The following SSU72 variants were observed in gnomAD, a reference collection of about 807,000 sequenced individuals.
SSU72 encodes RNA polymerase II subunit A C-terminal domain phosphatase SSU72.
Under a neutral mutation model 22.7 loss-of-function variants are expected in SSU72, and 12 were observed. That is an observed-to-expected ratio of 0.53 (90% CI 0.34 to 0.86). The LOEUF (loss-of-function observed/expected upper bound fraction) is 0.86. SSU72 is among the 40% of genes least tolerant of loss of function. SSU72 has a pLI of 0.02. For synonymous variants in SSU72, 116 were observed against 98.3 expected (o/e 1.18, Z -1.06); for missense variants, 151 against 249.8 (o/e 0.60, Z 2.67).
At chr1:1,564,309 A>T in intron 2 of SSU72, 1 of 592,654 alleles carries the variant, frequency 1.7e-6, no homozygotes, top group Non-Finnish European at 2.8e-6. Flanking sequence ...TTGGTTAGCA[A>T]GCTCCGCCCT....
chr1:1,550,925 C>G (rs1218880935), intron 2 of SSU72, among the ~76,000 whole-genome samples: 1 of 152,124 alleles, frequency 6.6e-6, no homozygotes, highest in East Asian at 1.9e-4. Flanking sequence ...TCTAGGACCT[C>G]CTCTTAAGCT....
At chr1:1,549,922 G>A (rs569358490) in intron 2 of SSU72, among the ~76,000 whole-genome samples, 12 of 150,054 alleles carry the variant, frequency 8.0e-5, no homozygotes, top group African/African-American at 2.7e-4. Context: ...GCAGTGAGCC[G>A]AGATTGCGCC....
At chr1:1,548,096 G>A (rs1017887045) in intron 2 of SSU72, among the ~76,000 whole-genome samples, 4 of 152,202 alleles carry the variant, frequency 2.6e-5, no homozygotes, top group Admixed American at 1.3e-4. Flanking sequence ...CAAAGAGGAT[G>A]TGCCATCCAT....
intron 1 of SSU72, among the ~76,000 whole-genome samples, chr1:1,573,429 CAAAAAAAAAAAA>C (rs56930035): frequency 5.6e-5 from 6 of 107,452 alleles, no homozygotes; most frequent in South Asian, 2.4e-4. Context: ...GACTCTGTCT[CAAAAAAAAAAAA>C]AAAAAAAAAA....
At chr1:1,573,701 G>A (rs1218227753) in intron 1 of SSU72, among the ~76,000 whole-genome samples, 1 of 152,174 alleles carries the variant, frequency 6.6e-6, no homozygotes, top group African/African-American at 2.4e-5. Context: ...ACTGCGAGAA[G>A]AGAAGCGAAA....
chr1:1,567,839 G>A (rs766840252), intron 1 of SSU72, among the ~76,000 whole-genome samples: 19 of 149,938 alleles, frequency 1.3e-4, no homozygotes, highest in Admixed American at 4.7e-4. Context: ...CGTGAACCCC[G>A]GAAGCGGAGG....
intron 2 of SSU72, among the ~76,000 whole-genome samples, chr1:1,549,593 CTTT>C (rs1159658104): frequency 3.3e-5 from 5 of 151,230 alleles, no homozygotes; most frequent in Non-Finnish European, 5.9e-5. Flanking sequence ...AATCCCACCA[CTTT>C]GGGAGGCCGA....
chr1:1,544,841 C>G (rs1457629776), intron 3 of SSU72, 22 bp downstream of exon 3: 10 of 1,613,980 alleles, frequency 6.2e-6, no homozygotes, highest in Non-Finnish European at 6.8e-6. Context: ...GAGCCCAGCC[C>G]AGCACGCAGC....
intron 1 of SSU72, among the ~76,000 whole-genome samples, chr1:1,567,868 G>A (rs1053081517): frequency 1.3e-4 from 18 of 143,280 alleles, no homozygotes; most frequent in African/African-American, 3.7e-4. Context: ...AGCCGAGATC[G>A]CGCCATTGCA....
chr1:1,573,479 G>C (rs1041459984), intron 1 of SSU72, among the ~76,000 whole-genome samples: 1 of 142,222 alleles, frequency 7.0e-6, no homozygotes, highest in Non-Finnish European at 1.6e-5. Flanking sequence ...TAAAGAGAAA[G>C]AATCAGCAGA....
chr1:1,548,825 C>T (rs1570383646), intron 2 of SSU72, among the ~76,000 whole-genome samples: 1 of 152,230 alleles, frequency 6.6e-6, no homozygotes, highest in Non-Finnish European at 1.5e-5. Flanking sequence ...GGGTTGAGCA[C>T]GTGTGGCCAA....
intron 2 of SSU72, among the ~76,000 whole-genome samples, chr1:1,560,467 A>C (rs1440832457): frequency 6.6e-6 from 1 of 152,188 alleles, no homozygotes; most frequent in Non-Finnish European, 1.5e-5. Context: ...CCAGTGCTGC[A>C]AACCTAGACT....
rs898077586 is a variant in SSU72 at position 1,554,532 on chromosome 1, T to C, written c.225-9530A>G. Among the ~76,000 whole-genome samples, 1 of 152,178 alleles carries C rather than the reference T, an allele frequency of 6.6e-6. No individual in the cohort carries two copies. Among genetic ancestry groups the C allele is most frequent in the Admixed American group, 6.5e-5 (1 of 15,284 alleles). ...CAGCTCGGTTTTCCTTACCAAGGTT[T>C]TCTCTTTTCACTCCCTAGGGGCCTT... On this transcript the variant is annotated intron_variant, in intron 2 of 4. Transcript: ENST00000291386. This position sits in a 1 kb window ranked among gnomAD's most constrained non-coding sequence, Gnocchi z 4.1.
chr1:1,560,020 T>C (rs1296593370), intron 2 of SSU72, among the ~76,000 whole-genome samples: 1 of 152,188 alleles, frequency 6.6e-6, no homozygotes, highest in Non-Finnish European at 1.5e-5. Flanking sequence ...CCACCATGCC[T>C]AGCGTTTTGT....
intron 1 of SSU72, 77 bp downstream of exon 1, chr1:1,574,401 G>T: frequency 6.8e-7 from 1 of 1,473,518 alleles, no homozygotes; most frequent in African/African-American, 1.5e-5. Flanking sequence ...GTCCTGGCGC[G>T]GGCCAGGGGG....
intron 2 of SSU72, 101 bp downstream of exon 2, chr1:1,564,672 T>C: frequency 1.9e-6 from 3 of 1,614,040 alleles, no homozygotes; most frequent in Non-Finnish European, 2.5e-6. Flanking sequence ...AGCCAGTGTG[T>C]GCACTGCACA....
intron 1 of SSU72, 38 bp downstream of exon 1, chr1:1,574,440 G>T: frequency 6.4e-7 from 1 of 1,566,700 alleles, no homozygotes; most frequent in African/African-American, 1.4e-5. Context: ...GCCGGTCGCC[G>T]GAGCAGAGCG....
chr1:1,557,785 G>A (rs1221957121), intron 2 of SSU72, among the ~76,000 whole-genome samples: 1 of 152,134 alleles, frequency 6.6e-6, no homozygotes, highest in East Asian at 1.9e-4. Context: ...GTGACAGACT[G>A]AGACTCCATC....
intron 2 of SSU72, among the ~76,000 whole-genome samples, chr1:1,548,334 G>A (rs1189867662): frequency 3.3e-5 from 5 of 152,178 alleles, no homozygotes; most frequent in Non-Finnish European, 5.9e-5. Flanking sequence ...TGAGACAGGC[G>A]GATCACAAGG....
Sources: allele counts gnomAD v4.1 joint callset (sites outside exome capture counted in the v4.1 genomes callset), GRCh38; gene constraint gnomAD v4.1.1; non-coding constraint Gnocchi (gnomAD v3.1); transcripts MANE v1.5; gene names NCBI Gene and HGNC (gene_info 2026-07-23, HGNC 2026-07-21).